UBAC2: variants seen among roughly 807,000 people sequenced by gnomAD.
UBAC2 encodes the protein ubiquitin-associated domain-containing protein 2.
A neutral mutation model predicts 44.0 loss-of-function variants in UBAC2; 26 were observed. The observed-to-expected ratio is 0.59, with a 90% CI of 0.43 to 0.82. The LOEUF is 0.82. Among genes scored for constraint, UBAC2 ranks in the 40% least tolerant of loss-of-function variants. The probability of loss-of-function intolerance (pLI) is 0.00; values close to 1 mark genes in which losing one functional copy is unlikely to be tolerated. For missense variants in UBAC2, 329 were observed against 419.4 expected (o/e 0.78, Z 1.88); for synonymous variants, 155 against 154.3 (o/e 1.00, Z -0.04).
At chr13:99,289,585 A>G (rs529504849) in intron 4 of UBAC2, among the ~76,000 whole-genome samples, 3 of 152,060 alleles carry the variant, frequency 2.0e-5, no homozygotes, top group East Asian at 3.9e-4. Flanking sequence ...TAGTGTCTGC[A>G]TTTTTCTTTT....
intron 1 of UBAC2, chr13:99,201,634 T>C: frequency 1.3e-6 from 2 of 1,570,890 alleles, no homozygotes; most frequent in Non-Finnish European, 1.7e-6. Context: ...GAATTGACTT[T>C]CGGTAAGGTA....
chr13:99,356,165 G>C (rs373350242), intron 7 of UBAC2: 38 of 534,608 alleles, frequency 7.1e-5, no homozygotes, highest in African/African-American at 6.9e-4. Flanking sequence ...AGGGGCTGTT[G>C]GGTTGCATCC....
intron 1 of UBAC2, among the ~76,000 whole-genome samples, chr13:99,201,976 G>A (rs982729988): frequency 2.6e-5 from 4 of 151,556 alleles, no homozygotes; most frequent in Non-Finnish European, 4.4e-5. Context: ...GGGAGGCTGA[G>A]GCAGGAGAAT....
chr13:99,283,418 G>T (rs949574189), intron 4 of UBAC2, among the ~76,000 whole-genome samples: 5 of 151,564 alleles, frequency 3.3e-5, no homozygotes, highest in African/African-American at 1.2e-4. Flanking sequence ...ATTTTTTTTT[G>T]ACAGCAGGAT....
chr13:99,236,774 C>T (rs776204301), intron 1 of UBAC2, among the ~76,000 whole-genome samples: 2 of 151,914 alleles, frequency 1.3e-5, no homozygotes, highest in Admixed American at 6.6e-5. Context: ...CACTTGAATC[C>T]GGGGGGCAGA....
At chr13:99,228,311 G>A (rs1449980327) in intron 1 of UBAC2, among the ~76,000 whole-genome samples, 2 of 150,038 alleles carry the variant, frequency 1.3e-5, no homozygotes, top group Admixed American at 6.7e-5. Context: ...TTTTTGATAC[G>A]GAATCTCGCT....
At chr13:99,253,082 A>G (rs2043479299) in intron 4 of UBAC2, among the ~76,000 whole-genome samples, 1 of 150,276 alleles carries the variant, frequency 6.7e-6, no homozygotes, top group Non-Finnish European at 1.5e-5. Flanking sequence ...TATGTAAGAT[A>G]TACAAATAAT....
intron 4 of UBAC2, among the ~76,000 whole-genome samples, chr13:99,272,076 A>C (rs2043822685): frequency 6.6e-6 from 1 of 152,164 alleles, no homozygotes; most frequent in South Asian, 2.1e-4. Context: ...TCTCTCTAAA[A>C]GACAGTGATC....
chr13:99,377,081 C>G (rs564506312), intron 8 of UBAC2: 1 of 152,520 alleles, frequency 6.6e-6, no homozygotes, highest in Admixed American at 6.5e-5. Flanking sequence ...CCAGCATTCT[C>G]ATTTTGTCCT....
At chr13:99,345,131 G>A (rs1244997937) in intron 7 of UBAC2, among the ~76,000 whole-genome samples, 1 of 152,148 alleles carries the variant, frequency 6.6e-6, no homozygotes, top group Admixed American at 6.5e-5. Flanking sequence ...AGGCATGGAG[G>A]TGCTAATGAG....
chr13:99,376,305 G>A (rs1051554124), intron 8 of UBAC2, among the ~76,000 whole-genome samples: 2 of 152,230 alleles, frequency 1.3e-5, no homozygotes, highest in Admixed American at 1.3e-4. Context: ...TGTCACACCA[G>A]GGCTGGTGAA....
At chr13:99,287,501 T>A (rs2044032872) in intron 4 of UBAC2, among the ~76,000 whole-genome samples, 1 of 152,098 alleles carries the variant, frequency 6.6e-6, no homozygotes, top group African/African-American at 2.4e-5. Flanking sequence ...CATGACTAAC[T>A]GCAGCCTTGA....
chr13:99,374,308 C>G lies in UBAC2; in HGVS notation c.927+6402C>G, dbSNP rs76045544. 1.1e-3 allele frequency among the ~76,000 whole-genome samples: 168 copies of G among 152,136 alleles called. 1 individual carries two copies. Among genetic ancestry groups the G allele is most frequent in the African/African-American group, 3.6e-3 (149 of 41,484 alleles). On this transcript the variant is annotated intron_variant, in intron 8 of 8. Transcript: ENST00000403766. Reference sequence around the variant, plus strand: ...TCTCCTATTTTTAGAAAAAGCAGGTCTTCTTGTTTTGGGATCTGTCTGCTT... The same window carrying G: ...TCTCCTATTTTTAGAAAAAGCAGGTGTTCTTGTTTTGGGATCTGTCTGCTT...
chr13:99,204,380 G>A (rs1486232591), intron 1 of UBAC2, among the ~76,000 whole-genome samples: 1 of 152,170 alleles, frequency 6.6e-6, no homozygotes, highest in Non-Finnish European at 1.5e-5. Flanking sequence ...GACAGAGCCT[G>A]GACAGGGCTT....
chr13:99,242,655 G>A (rs74437874), intron 2 of UBAC2, among the ~76,000 whole-genome samples: 33 of 75,052 alleles, frequency 4.4e-4, no homozygotes, highest in Middle Eastern at 0.011. Context: ...CCTCCCTCCC[G>A]GACGGGGCGG....
At chr13:99,323,771 T>C (rs980866964) in intron 6 of UBAC2, among the ~76,000 whole-genome samples, 48 of 152,268 alleles carry the variant, frequency 3.2e-4, no homozygotes, top group African/African-American at 1.1e-3. Flanking sequence ...ATATTCTTCC[T>C]TGTGGCAATT....
intron 1 of UBAC2, among the ~76,000 whole-genome samples, chr13:99,237,271 T>TATACACACAC (rs374683969): frequency 3.0e-3 from 433 of 145,008 alleles, no homozygotes; most frequent in Admixed American, 4.7e-3. Context: ...TATATATATA[T>TATACACACAC]ACACACACAC....
At chr13:99,368,713 G>GTA (rs1555332926) in intron 8 of UBAC2, among the ~76,000 whole-genome samples, 7 of 152,140 alleles carry the variant, frequency 4.6e-5, no homozygotes, top group African/African-American at 1.4e-4. Flanking sequence ...GTGTGTGTGT[G>GTA]TGTGTGTGTG....
chr13:99,269,345 G>A lies in UBAC2; in HGVS notation c.389+24721G>A, dbSNP rs151327539. The stretch of plus-strand genomic sequence containing the variant: ...TTAATTGGAGTCCAGCCAAGGGACC[G>A]CATTTCCCAGGATGTTCTGTGCAGC... On this transcript the variant is annotated intron_variant, in intron 4 of 8. Coordinates refer to ENST00000403766, the MANE Select transcript of UBAC2 (RefSeq NM_001144072.2). Among the ~76,000 whole-genome samples the A allele has an allele frequency of 1.1e-4, 16 of 152,296 alleles. No individual in the cohort carries two copies. In the East Asian group the frequency reaches 2.7e-3, roughly 26 times the overall value.
Sources: allele counts gnomAD v4.1 joint callset (sites outside exome capture counted in the v4.1 genomes callset), GRCh38; gene constraint gnomAD v4.1.1; transcripts MANE v1.5; gene names NCBI Gene and HGNC (gene_info 2026-07-23, HGNC 2026-07-21).